The following GABRA1 variants were observed in gnomAD, a reference collection of about 807,000 sequenced individuals.
GABRA1 encodes the protein gamma-aminobutyric acid receptor subunit alpha-1.
Under a neutral mutation model 48.9 loss-of-function variants are expected in GABRA1, and 9 were observed. That is an observed-to-expected ratio of 0.18 (90% CI 0.11 to 0.32). GABRA1 has a LOEUF of 0.32. Among genes scored for constraint, GABRA1 ranks in the 10% least tolerant of loss-of-function variants. GABRA1 has a pLI of 1.00. For synonymous variants in GABRA1, 210 were observed against 198.7 expected, an observed-to-expected ratio of 1.06 and a Z score of -0.48; for missense variants, 285 against 553.8, an observed-to-expected ratio of 0.51 and a Z score of 4.87.
At chr5:161,889,128 A>G (rs1754977596) in intron 7 of GABRA1, among the ~76,000 whole-genome samples, 1 of 152,086 alleles carries the variant, frequency 6.6e-6, no homozygotes, top group African/African-American at 2.4e-5. Flanking sequence ...GCTATTATCA[A>G]TAACAGTTAA....
At chr5:161,890,368 TC>T (rs1249110799) in intron 7 of GABRA1, among the ~76,000 whole-genome samples, 1 of 152,144 alleles carries the variant, frequency 6.6e-6, no homozygotes, top group East Asian at 1.9e-4. Flanking sequence ...TAGCCCACTC[TC>T]CTTATTTTGT....
intron 3 of GABRA1, among the ~76,000 whole-genome samples, chr5:161,857,636 G>T (rs779335967): frequency 6.6e-6 from 1 of 151,566 alleles, no homozygotes; most frequent in Non-Finnish European, 1.5e-5. Context: ...ATTAGAATAC[G>T]TGGAATTCTA....
intron 4 of GABRA1, among the ~76,000 whole-genome samples, chr5:161,871,502 C>T (rs1158643142): frequency 6.6e-6 from 1 of 152,194 alleles, no homozygotes; most frequent in Non-Finnish European, 1.5e-5. Flanking sequence ...TCCATCCACC[C>T]AGTTTTCCTG....
At chr5:161,877,641 C>T (rs930886389) in intron 6 of GABRA1, among the ~76,000 whole-genome samples, 8 of 152,132 alleles carry the variant, frequency 5.3e-5, no homozygotes, top group Admixed American at 1.3e-4. Flanking sequence ...TCTCACATTG[C>T]CAATGATATT....
At chr5:161,866,195 G>T (rs1753835715) in intron 4 of GABRA1, among the ~76,000 whole-genome samples, 1 of 151,876 alleles carries the variant, frequency 6.6e-6, no homozygotes, top group African/African-American at 2.4e-5. Flanking sequence ...ATTATTTTTG[G>T]CTACTAAAAA....
chr5:161,873,081 A>C (rs934802453), intron 4 of GABRA1, 36 bp from the exon 5 acceptor site: 2 of 1,476,100 alleles, frequency 1.4e-6, no homozygotes, highest in African/African-American at 2.8e-5. Flanking sequence ...AAAATACAGC[A>C]CAGTGAACTC....
intron 6 of GABRA1, among the ~76,000 whole-genome samples, chr5:161,876,327 C>T (rs553438551): frequency 3.9e-5 from 6 of 152,134 alleles, no homozygotes; most frequent in East Asian, 3.9e-4. Context: ...TCAGGTTCTC[C>T]GGTCTTTTCT....
intron 6 of GABRA1, among the ~76,000 whole-genome samples, chr5:161,877,528 G>A (rs994829702): frequency 6.6e-6 from 1 of 152,058 alleles, no homozygotes. Context: ...TGTGATAGAA[G>A]GTAATAGTTG....
At position 161,882,548 on chromosome 5, in the gene GABRA1, T is replaced by C; in HGVS notation, c.560-10T>C. 1 of 1,612,340 alleles carries C rather than the reference T, an allele frequency of 6.2e-7. No individual in the cohort carries two copies. Among genetic ancestry groups the C allele is most frequent in the Non-Finnish European group, 8.5e-7 (1 of 1,178,628 alleles). ...AAATATATGGATCATTTTCTACTGT[T>C]TCCTTTTAGATGCTTATACAAGAGC... On this transcript the variant is annotated splice_polypyrimidine_tract_variant and intron_variant, in intron 6 of 9. Coordinates refer to ENST00000393943, the MANE Select transcript of GABRA1 (RefSeq NM_001127644.2).
Position 161,883,851 on chromosome 5 carries a change from G to A in GABRA1, c.703+1150G>A, listed in dbSNP as rs572262047. Among the ~76,000 whole-genome samples, 160 of 152,152 alleles carry A rather than the reference G, an allele frequency of 1.1e-3. 1 individual carries two copies. The highest frequency in any genetic ancestry group is 3.5e-3 in the African/African-American group (146 of 41,532). ...GCTTGCTTAGAAGCCCTCATTGCTA[G>A]CCCAGAAGCTTAAATGTTTATGTGT... On this transcript the variant is annotated intron_variant, in intron 7 of 9. Transcript: ENST00000393943.
At chr5:161,875,680 C>A in intron 6 of GABRA1, 38 bp downstream of exon 6, 2 of 1,432,188 alleles carry the variant, frequency 1.4e-6, no homozygotes, top group South Asian at 1.1e-5. Flanking sequence ...GATTGTAAGT[C>A]ATTAAGCAAG....
At chr5:161,886,884 C>G (rs1265895309) in intron 7 of GABRA1, among the ~76,000 whole-genome samples, 1 of 152,084 alleles carries the variant, frequency 6.6e-6, no homozygotes, top group African/African-American at 2.4e-5. Context: ...TCAAGGGTGG[C>G]ATAACCCCTT....
At chr5:161,866,124 G>A (rs1753829650) in intron 4 of GABRA1, among the ~76,000 whole-genome samples, 1 of 151,950 alleles carries the variant, frequency 6.6e-6, no homozygotes, top group Non-Finnish European at 1.5e-5. Flanking sequence ...GTTGATTCAA[G>A]GATGCTGTTT....
At chr5:161,887,599 T>C (rs1237399289) in intron 7 of GABRA1, among the ~76,000 whole-genome samples, 1 of 152,140 alleles carries the variant, frequency 6.6e-6, no homozygotes, top group Non-Finnish European at 1.5e-5. Context: ...ACCACCACTT[T>C]CTCAATAACA....
intron 4 of GABRA1, among the ~76,000 whole-genome samples, chr5:161,866,992 C>A (rs1173061334): frequency 3.3e-5 from 5 of 152,110 alleles, no homozygotes; most frequent in African/African-American, 1.2e-4. Flanking sequence ...TACTTAATAT[C>A]TCTCCAGATC....
At chr5:161,882,847 C>G in intron 7 of GABRA1, 146 bp downstream of exon 7, 1 of 791,868 alleles carries the variant, frequency 1.3e-6, no homozygotes, top group South Asian at 1.5e-5. Context: ...CTAATGTAAA[C>G]TCGGTAGACC....
At chr5:161,847,851 A>G (rs1757270734), upstream of GABRA1, 1 of 152,148 alleles carries the variant, frequency 6.6e-6, no homozygotes. Context: ...GTGTTCATAA[A>G]TTGCAAGTGT....
intron 7 of GABRA1, among the ~76,000 whole-genome samples, chr5:161,884,586 A>G (rs780484707): frequency 6.6e-6 from 1 of 152,126 alleles, no homozygotes; most frequent in African/African-American, 2.4e-5. Context: ...TTGATTTTTC[A>G]TTTTGTTAGT....
chr5:161,868,576 C>A (rs1235364391), intron 4 of GABRA1, among the ~76,000 whole-genome samples: 1 of 152,096 alleles, frequency 6.6e-6, no homozygotes, highest in African/African-American at 2.4e-5. Context: ...ACATCACACA[C>A]TGATGGCAAT....
Sources: allele counts gnomAD v4.1 joint callset (sites outside exome capture counted in the v4.1 genomes callset), GRCh38; gene constraint gnomAD v4.1.1; transcripts MANE v1.5; gene names NCBI Gene and HGNC (gene_info 2026-07-23, HGNC 2026-07-21).